The following RBFOX1 variants were observed in gnomAD, a reference collection of about 807,000 sequenced individuals.
RBFOX1 encodes the protein RNA binding protein fox-1 homolog 1.
Under a neutral mutation model 57.7 loss-of-function variants are expected in RBFOX1, and 8 were observed. The ratio of observed to expected loss-of-function variants is 0.14; its 90% CI spans 0.08 to 0.25. The LOEUF (loss-of-function observed/expected upper bound fraction) is 0.25. Among genes scored for constraint, RBFOX1 ranks in the 10% least tolerant of loss-of-function variants. The pLI is 1.00. For missense variants in RBFOX1, 611 were observed against 548.5 expected (o/e 1.11, Z -1.14); for synonymous variants, 326 against 222.4 (o/e 1.47, Z -4.15).
At chr16:5,319,673 T>C (rs2064346961) in intron 1 of RBFOX1, among the ~76,000 whole-genome samples, 1 of 152,222 alleles carries the variant, frequency 6.6e-6, no homozygotes, top group South Asian at 2.1e-4. Flanking sequence ...GACAGACTTA[T>C]TTTATTAGAT....
chr16:6,472,149 T>G (rs1384641120), intron 2 of RBFOX1, among the ~76,000 whole-genome samples: 1 of 152,182 alleles, frequency 6.6e-6, no homozygotes, highest in African/African-American at 2.4e-5. Context: ...TCCATCCACT[T>G]CTCAATTCCA....
chr16:7,227,705 C>G (rs750782418), intron 4 of RBFOX1, among the ~76,000 whole-genome samples: 2 of 152,130 alleles, frequency 1.3e-5, no homozygotes, highest in Non-Finnish European at 2.9e-5. Context: ...TCATTTGGCC[C>G]GTCGCCCTGC....
chr16:5,495,131 G>A (rs1014814224), intron 2 of RBFOX1, among the ~76,000 whole-genome samples: 9 of 152,332 alleles, frequency 5.9e-5, no homozygotes, highest in Admixed American at 4.6e-4. Flanking sequence ...GAAACTTGCA[G>A]TCATGGCAGA....
chr16:7,198,363 T>C (rs913500912), intron 4 of RBFOX1, among the ~76,000 whole-genome samples: 1 of 152,078 alleles, frequency 6.6e-6, no homozygotes, highest in Non-Finnish European at 1.5e-5. Flanking sequence ...AGACAGAGGG[T>C]GGTAGTTGTG....
intron 2 of RBFOX1, among the ~76,000 whole-genome samples, chr16:6,512,283 C>A (rs866842038): frequency 4.1e-3 from 360 of 86,798 alleles, no homozygotes; most frequent in South Asian, 4.9e-3. Flanking sequence ...GACCCTGTAT[C>A]AAAAAAAAAA....
intron 4 of RBFOX1, among the ~76,000 whole-genome samples, chr16:5,955,970 A>G (rs1203584716): frequency 6.6e-6 from 1 of 152,160 alleles, no homozygotes; most frequent in Non-Finnish European, 1.5e-5. Flanking sequence ...CTAACAAATA[A>G]AAATACATTG....
chr16:6,407,594 A>AGAGAGAGAGAGAGAGAGAGAGAG (rs369941718), intron 2 of RBFOX1, among the ~76,000 whole-genome samples: 1 of 149,206 alleles, frequency 6.7e-6, no homozygotes, highest in Admixed American at 6.7e-5. Flanking sequence ...AGAGAGAGAG[A>AGAGAGAGAGAGAGAGAGAGAGAG]AGTACATTCT....
intron 2 of RBFOX1, among the ~76,000 whole-genome samples, chr16:6,570,752 G>A (rs780514385): frequency 6.6e-6 from 1 of 152,158 alleles, no homozygotes; most frequent in Admixed American, 6.6e-5. Flanking sequence ...TATGTGCCAT[G>A]TGGCATTTGT....
chr16:6,996,930 A>T (rs2092303218), intron 3 of RBFOX1, among the ~76,000 whole-genome samples: 1 of 152,178 alleles, frequency 6.6e-6, no homozygotes, highest in African/African-American at 2.4e-5. Context: ...AGGAAATCAG[A>T]CTAGAGAATT....
chr16:5,902,752 C>G (rs1234141546), intron 4 of RBFOX1, among the ~76,000 whole-genome samples: 2 of 152,114 alleles, frequency 1.3e-5, no homozygotes, highest in Non-Finnish European at 2.9e-5. Flanking sequence ...CTTCATCAAT[C>G]TCTTATTCTA....
At chr16:6,345,875 A>G (rs991938207) in intron 2 of RBFOX1, among the ~76,000 whole-genome samples, 11 of 152,194 alleles carry the variant, frequency 7.2e-5, no homozygotes, top group African/African-American at 2.7e-4. Context: ...AGGGAAACAT[A>G]AGACATCAAT....
intron 1 of RBFOX1, among the ~76,000 whole-genome samples, chr16:5,369,554 A>G (rs2065808206): frequency 6.6e-6 from 1 of 152,204 alleles, no homozygotes; most frequent in Non-Finnish European, 1.5e-5. Flanking sequence ...CTTTACAGTG[A>G]AGAAGCAGGC....
At chr16:5,557,830 G>C (rs1278272162) in intron 2 of RBFOX1, among the ~76,000 whole-genome samples, 1 of 152,196 alleles carries the variant, frequency 6.6e-6, no homozygotes, top group Non-Finnish European at 1.5e-5. Context: ...TTGCCTTTTG[G>C]CCTGCCATGC....
At chr16:6,222,827 A>G (rs1256851043) in intron 1 of RBFOX1, among the ~76,000 whole-genome samples, 1 of 151,626 alleles carries the variant, frequency 6.6e-6, no homozygotes. Context: ...CGTTAGGTAT[A>G]TCTCCTAATG....
intron 4 of RBFOX1, among the ~76,000 whole-genome samples, chr16:7,374,668 A>G (rs754518135): frequency 5.9e-5 from 9 of 152,162 alleles, no homozygotes; most frequent in Non-Finnish European, 1.3e-4. Context: ...AATGACAGAA[A>G]TCTTCTAGAA....
chr16:6,017,140 G>A (rs1327698053), upstream of RBFOX1, among the ~76,000 whole-genome samples: 1 of 151,982 alleles, frequency 6.6e-6, no homozygotes, highest in East Asian at 1.9e-4. Flanking sequence ...TAATCAAAGG[G>A]CCCAGCAATT....
At chr16:5,978,687 T>C (rs28652984) in intron 4 of RBFOX1, among the ~76,000 whole-genome samples, 1 of 150,086 alleles carries the variant, frequency 6.7e-6, no homozygotes, top group Non-Finnish European at 1.5e-5. Context: ...TGTTTTTTTT[T>C]TTGTTGTTGT....
chr16:5,957,374 C>G (rs2059664510), intron 4 of RBFOX1, among the ~76,000 whole-genome samples: 1 of 152,002 alleles, frequency 6.6e-6, no homozygotes, highest in South Asian at 2.1e-4. Context: ...GCCACCATGC[C>G]CAGCTAATTT....
chr16:6,642,864 A>C (rs1189896812), intron 2 of RBFOX1, among the ~76,000 whole-genome samples: 4 of 152,040 alleles, frequency 2.6e-5, no homozygotes, highest in African/African-American at 4.8e-5. Flanking sequence ...CCTGCAACCT[A>C]CCCAACTAAG....
Sources: gnomAD v4.1 joint callset for allele counts (sites outside exome capture counted in the v4.1 genomes callset) on GRCh38, gnomAD v4.1.1 for gene constraint, MANE v1.5 for transcripts, NCBI Gene and HGNC (gene_info 2026-07-23, HGNC 2026-07-21) for gene names.